Variants in TAAR2 observed in about 807,000 individuals in gnomAD.
The protein encoded by TAAR2 is trace amine-associated receptor 2.
In TAAR2, 30 loss-of-function variants were observed where a neutral mutation model predicts 25.5. The ratio of observed to expected loss-of-function variants is 1.18; its 90% CI spans 0.88 to 1.60. The LOEUF is 1.60. Ranked by LOEUF, TAAR2 falls within the 40% of genes most tolerant of loss-of-function variation. The pLI is 0.00. For synonymous variants in TAAR2, 150 were observed against 142.4 expected (o/e 1.05, Z -0.38); for missense variants, 481 against 416.5 (o/e 1.15, Z -1.35).
chr6:132,618,196 G>A, intron 1 of TAAR2, 51 bp from the exon 2 acceptor site: 1 of 1,464,354 alleles, frequency 6.8e-7, no homozygotes, highest in East Asian at 2.3e-5. Flanking sequence ...AATATTCTAT[G>A]TTTTATATAT....
In TAAR2 at chr6:132,618,070, T is replaced by C. The variant is rs558916391; in HGVS notation, c.136A>G (p.Met46Val). ...ATGGATCCTGCCATAAATGAATACATAGCCACTCGGACACCCAGAGATCTT... is the reference window on the plus strand; with the variant it reads ...ATGGATCCTGCCATAAATGAATACACAGCCACTCGGACACCCAGAGATCTT... ...NERSLGVRVAMYSFMAGSIFI... is the reference protein window; with the variant it reads ...NERSLGVRVAVYSFMAGSIFI... The change falls in exon 2 of 2, where the codon ATG becomes GTG. Residue 46 changes from methionine (M) to valine (V), a missense_variant. Met to Val is a conservative substitution (Grantham distance 21, BLOSUM62 1). Coordinates refer to ENST00000367931, the MANE Select transcript of TAAR2 (RefSeq NM_001033080.1). The C allele has an allele frequency of 1.2e-6, 2 of 1,613,996 alleles. No individual in the cohort carries two copies. The highest frequency in any genetic ancestry group is 1.7e-4 in the Middle Eastern group (1 of 6,058).
chr6:132,617,182 T>C lies in TAAR2; in HGVS notation c.1024A>G (p.Thr342Ala). The C allele has an allele frequency of 6.3e-7, 1 of 1,599,252 alleles. No individual in the cohort carries two copies. Among genetic ancestry groups the C allele is most frequent in the East Asian group, 2.2e-5 (1 of 44,678 alleles). ...GKIFSSCFHN[T>A]ILCMQKESE ...CTTTCTTTTTGCATACACAAAATAG[T>C]ATTATGGAAACATGAGCTGAAAATT... The change falls in exon 2 of 2, where the codon ACT (threonine) becomes GCT (alanine). Residue 342 changes from threonine (T) to alanine (A), a missense_variant. Physicochemically the swap from Thr to Ala is moderately conservative, Grantham distance 58 (BLOSUM62 0). Coordinates refer to ENST00000367931, the MANE Select transcript of TAAR2 (RefSeq NM_001033080.1).
chr6:132,617,485 G>T lies in TAAR2; in HGVS notation c.721C>A (p.His241Asn). The T allele has an allele frequency of 6.2e-7, 1 of 1,613,982 alleles. No homozygotes were observed. The highest frequency in any genetic ancestry group is 1.1e-5 in the South Asian group (1 of 91,060). The change falls in exon 2 of 2, where the codon CAT becomes AAT. Residue 241 changes from histidine (H) to asparagine (N), a missense_variant. His to Asn is a moderately conservative substitution (Grantham distance 68). Transcript: ENST00000367931. ...KIFAVSRKHA[H>N]AINNLRENQN... ...TTTTCTCGCAAGTTATTGATGGCAT[G>T]AGCATGTTTTCTGGATACTGCAAAA...
Position 132,624,201 on chromosome 6 carries a change from T to C in TAAR2, c.60+15A>G, listed in dbSNP as rs201837202. On this transcript the variant is annotated intron_variant, in intron 1 of 1. Coordinates refer to ENST00000367931, the MANE Select transcript of TAAR2 (RefSeq NM_001033080.1). ...TGCTACTGGTTTAAACTTAGTCATA[T>C]GTTTAAGGGCCTACCTTTTTTGTCT... The C allele has an allele frequency of 9.1e-5, 146 of 1,612,160 alleles. No homozygotes were observed. The highest frequency in any genetic ancestry group is 1.2e-4 in the Non-Finnish European group (137 of 1,178,562).
chr6:132,617,269 A>G lies in TAAR2; in HGVS notation c.937T>C (p.Leu313=), dbSNP rs1329784975. Residue 313 remains leucine, a synonymous_variant, in exon 2 of 2, where the codon TTA becomes CTA. Coordinates refer to ENST00000367931, the MANE Select transcript of TAAR2 (RefSeq NM_001033080.1). ...CAGGGATAGAAGAAACCATATATTA[A>G]CGGATTACATGTGGAGTTAAAATAG... ...FGYFNSTCNP[L]IYGFFYPWFR... 1 of 1,613,790 alleles carries G rather than the reference A, an allele frequency of 6.2e-7. No individual in the cohort carries two copies. The highest frequency in any genetic ancestry group is 8.5e-7 in the Non-Finnish European group (1 of 1,179,914).
chr6:132,624,103 T>A, intron 1 of TAAR2, 113 bp downstream of exon 1: 1 of 1,033,216 alleles, frequency 9.7e-7, no homozygotes, highest in Non-Finnish European at 1.5e-6. Context: ...TCAACCCTTT[T>A]AGATCTGGAG....
rs373440827 is a variant in TAAR2, at chr6:132,617,739, G to A, written c.467C>T (p.Thr156Ile). The part of the protein sequence containing the change: ...CYPLLYSTKI[T>I]IPVIKRLLLL... ...TAGCAATCTTTTAATGACTGGAATA[G>A]TTATTTTGGTGGAATAAAGTAATGG... The change falls in exon 2 of 2, where the codon ACT becomes ATT. Residue 156 changes from threonine to isoleucine, a missense_variant. By Grantham distance (89) the Thr-to-Ile change is moderately conservative. Transcript: ENST00000367931. The A allele has an allele frequency of 9.9e-6, 16 of 1,613,892 alleles. No individual in the cohort carries two copies. The African/African-American group carries it at 1.5e-4, about 15-fold the overall frequency.
chr6:132,618,232 G>T (rs1777327823), intron 1 of TAAR2, 87 bp from the exon 2 acceptor site: 4 of 1,233,950 alleles, frequency 3.2e-6, no homozygotes, highest in Admixed American at 2.7e-5. Flanking sequence ...CTCAAGAAAG[G>T]CAGAGAAGAA....
At chr6:132,621,391 T>A (rs1777372612) in intron 1 of TAAR2, among the ~76,000 whole-genome samples, 1 of 152,108 alleles carries the variant, frequency 6.6e-6, no homozygotes, top group Non-Finnish European at 1.5e-5. Flanking sequence ...GTTAGGTATT[T>A]CTTCCTAATG....
intron 1 of TAAR2, among the ~76,000 whole-genome samples, chr6:132,622,283 C>A (rs1236498045): frequency 6.6e-6 from 1 of 151,414 alleles, no homozygotes; most frequent in African/African-American, 2.4e-5. Flanking sequence ...ACTACAGAAC[C>A]ATGACCACAA....
chr6:132,617,230 G>GGTAA lies in TAAR2; in HGVS notation c.975_976insTTAC (p.Lys327ProfsTer8). The GGTAA allele has an allele frequency of 6.2e-7, 1 of 1,613,270 alleles. No homozygotes were observed. The highest frequency in any genetic ancestry group is 1.3e-5 in the African/African-American group (1 of 75,022). On this transcript the variant is annotated frameshift_variant, in exon 2 of 2. Transcript: ENST00000367931. LOFTEE classifies it high-confidence loss of function. ...ATTTTACCTAGCAAAATGTACTTCAGTGCTCTGCGAAACCAGGGATAGAAG... is the reference window on the plus strand; with the variant it reads ...ATTTTACCTAGCAAAATGTACTTCAGGTAATGCTCTGCGAAACCAGGGATAGAAG...
At chr6:132,621,815 T>A (rs775935975) in intron 1 of TAAR2, among the ~76,000 whole-genome samples, 9 of 152,140 alleles carry the variant, frequency 5.9e-5, no homozygotes, top group Non-Finnish European at 1.2e-4. Flanking sequence ...TGGAGGGGTA[T>A]ATCAGATGAT....
rs148116183 is a variant in TAAR2 at position 132,617,655 on chromosome 6, T to G, written c.551A>C (p.Tyr184Ser). The change falls in exon 2 of 2, where the codon TAT (tyrosine) becomes TCT (serine). Residue 184 changes from tyrosine (Y) to serine (S), a missense_variant. Coordinates refer to ENST00000367931, the MANE Select transcript of TAAR2 (RefSeq NM_001033080.1). ...GTCATAGCCCTCTATTCCATCTGCA[T>G]AGGCCTCTGAGAAGACCACCCCGAA... Reference protein sequence around the residue: ...FAFGVVFSEAYADGIEGYDIL... With the variant: ...FAFGVVFSEASADGIEGYDIL... 6.2e-7 allele frequency: 1 copy of G among 1,613,964 alleles called. No individual in the cohort carries two copies. Among genetic ancestry groups the G allele is most frequent in the Non-Finnish European group, 8.5e-7 (1 of 1,179,986 alleles).
At chr6:132,622,628 G>A (rs1777390429) in intron 1 of TAAR2, among the ~76,000 whole-genome samples, 1 of 151,756 alleles carries the variant, frequency 6.6e-6, no homozygotes, top group South Asian at 2.1e-4. Context: ...TGGGACTACA[G>A]GCACGTGCCA....
intron 1 of TAAR2, among the ~76,000 whole-genome samples, chr6:132,621,456 C>T (rs183830483): frequency 1.3e-5 from 2 of 152,162 alleles, no homozygotes; most frequent in East Asian, 3.9e-4. Flanking sequence ...TGATGTTCCC[C>T]TCCCTGTGTC....
chr6:132,620,505 C>T (rs1425101354), intron 1 of TAAR2, among the ~76,000 whole-genome samples: 1 of 152,148 alleles, frequency 6.6e-6, no homozygotes, highest in East Asian at 1.9e-4. Flanking sequence ...TTTTTAACAG[C>T]TGAAATGGGG....
Position 132,617,412 on chromosome 6 carries a change from C to G in TAAR2, c.794G>C (p.Gly265Ala), listed in dbSNP as rs1021040714. The G allele has an allele frequency of 2.5e-6, 4 of 1,613,628 alleles. No individual in the cohort carries two copies. Among genetic ancestry groups the G allele is most frequent in the Non-Finnish European group, 3.4e-6 (4 of 1,179,910 alleles). ...KKDKKAAKTL[G>A]IVIGVFLLCW... ...TAATAAGAAAACTCCTATCACTATT[C>G]CTAAAGTTTTGGCAGCTTTTTTGTC... Residue 265 changes from glycine (G) to alanine (A), a missense_variant, in exon 2 of 2, where the codon GGA becomes GCA. Coordinates refer to ENST00000367931, the MANE Select transcript of TAAR2 (RefSeq NM_001033080.1).
In TAAR2 at chr6:132,618,039, A is replaced by T. The variant is rs538793623; in HGVS notation, c.167T>A (p.Ile56Asn). 9 of 1,614,084 alleles carry T rather than the reference A, an allele frequency of 5.6e-6. No individual in the cohort carries two copies. In the African/African-American group the frequency reaches 1.2e-4, roughly 22 times the overall value. Reference protein sequence around the residue: ...MYSFMAGSIFITIFGNLAMII... With the variant: ...MYSFMAGSIFNTIFGNLAMII... ...CATGGCAAGATTGCCAAATATTGTG[A>T]TGAATATGGATCCTGCCATAAATGA... is the stretch of plus-strand genomic sequence containing the variant. Residue 56 changes from isoleucine to asparagine, a missense_variant, in exon 2 of 2, where the codon ATC (isoleucine) becomes AAC (asparagine). Coordinates refer to ENST00000367931, the MANE Select transcript of TAAR2 (RefSeq NM_001033080.1).
chr6:132,623,622 A>G (rs1777403924), intron 1 of TAAR2, among the ~76,000 whole-genome samples: 1 of 151,818 alleles, frequency 6.6e-6, no homozygotes. Context: ...GTTAATGTGT[A>G]TATGGAACCA....
Sources: gnomAD v4.1 joint callset for allele counts (sites outside exome capture counted in the v4.1 genomes callset) on GRCh38, gnomAD v4.1.1 for gene constraint, MANE v1.5 for transcripts, NCBI Gene and HGNC (gene_info 2026-07-23, HGNC 2026-07-21) for gene names.